The following SIGLEC6 variants were observed in gnomAD, a reference collection of about 807,000 sequenced individuals.
SIGLEC6 encodes sialic acid-binding Ig-like lectin 6.
SIGLEC6 carries 31 observed loss-of-function variants against 41.4 expected under a neutral mutation model. That is an observed-to-expected ratio of 0.75 (90% CI 0.56 to 1.01). SIGLEC6 has a LOEUF of 1.01. SIGLEC6 is among the 50% of genes least tolerant of loss of function. The pLI, the probability that SIGLEC6 is intolerant of heterozygous loss-of-function variation, is 0.00. For synonymous variants in SIGLEC6, 217 were observed against 231.0 expected (o/e 0.94, Z 0.55); for missense variants, 555 against 558.6 (o/e 0.99, Z 0.06).
rs1328222653 is a variant in SIGLEC6, at chr19:51,531,618, C to T, written c.31G>A (p.Glu11Lys). The T allele has an allele frequency of 6.2e-7, 1 of 1,612,274 alleles. No individual in the cohort carries two copies. The highest frequency in any genetic ancestry group is 1.7e-5 in the Admixed American group (1 of 59,754). The change falls in exon 1 of 8, where the codon GAG becomes AAG. Residue 11 changes from glutamate to lysine, a missense_variant. By Grantham distance (56) the Glu-to-Lys change is moderately conservative (BLOSUM62 1). Transcript: ENST00000425629. Reference protein sequence around the residue: MQGAQEASASEMLPLLLPLLW... With the variant: MQGAQEASASKMLPLLLPLLW... ...AGGGGCAGCAGCAGCGGTAGCATCT[C>T]TGAGGCGGAGGCTTCCTGGGCTCCC...
Position 51,531,493 on chromosome 19 carries a change from G to A in SIGLEC6, c.94C>T (p.Gln32Ter). The A allele has an allele frequency of 6.2e-7, 1 of 1,613,752 alleles. No homozygotes were observed. The highest frequency in any genetic ancestry group is 8.5e-7 in the Non-Finnish European group (1 of 1,179,830). The change falls in exon 2 of 8, where the codon CAG becomes TAG. Residue 32 changes from glutamine to a stop codon, truncating the protein, a stop_gained. Transcript: ENST00000425629. LOFTEE classifies it high-confidence loss of function. ...GTCAGTGACTCTGGCCCCTCCAGCT[G>A]GAATCTCCGCTCCTGAGCCAGGGCC... ...AGALAQERRFQLEGPESLTVQ... is the reference protein window; with the variant it reads ...AGALAQERRF
At chr19:51,524,724 G>C (rs1978906532) in intron 7 of SIGLEC6, among the ~76,000 whole-genome samples, 1 of 152,174 alleles carries the variant, frequency 6.6e-6, no homozygotes, top group Non-Finnish European at 1.5e-5. Context: ...CACTCTAATG[G>C]AGAGGAGATA....
At position 51,518,810 on chromosome 19, in the gene SIGLEC6, T is replaced by C. The variant is rs1417794568; in HGVS notation, c.*1272A>G. Among the ~76,000 whole-genome samples, 2 of 152,280 alleles carry C rather than the reference T, an allele frequency of 1.3e-5. No individual in the cohort carries two copies. The highest frequency in any genetic ancestry group is 1.9e-4 in the East Asian group (1 of 5,184). ...TGGGGTATTGGTGACTGGTGAGGAA[T>C]TGATCTGGGGAAATCTGGATGGACA... On this transcript the variant is annotated 3_prime_UTR_variant, in exon 8 of 8. Coordinates refer to ENST00000425629, the MANE Select transcript of SIGLEC6 (RefSeq NM_001245.7).
rs2122500601 is a variant in SIGLEC6 at position 51,531,518 on chromosome 19, C to G, written c.69G>C (p.Gly23=). 6.2e-7 allele frequency: 1 copy of G among 1,613,876 alleles called. No individual in the cohort carries two copies. Among genetic ancestry groups the G allele is most frequent in the East Asian group, 2.2e-5 (1 of 44,872 alleles). Residue 23 remains glycine (G), a splice_region_variant and synonymous_variant, in exon 2 of 8, where the codon GGG becomes GGC. Transcript: ENST00000425629. ...LPLLLPLLWA[G]ALAQERRFQL... Reference sequence around the variant, plus strand: ...GGAATCTCCGCTCCTGAGCCAGGGCCCCTATGGAGACATGAGGGTCAGCTC... The same window carrying G: ...GGAATCTCCGCTCCTGAGCCAGGGCGCCTATGGAGACATGAGGGTCAGCTC...
At chr19:51,524,156 A>G (rs1444026219) in intron 7 of SIGLEC6, among the ~76,000 whole-genome samples, 1 of 152,380 alleles carries the variant, frequency 6.6e-6, no homozygotes, top group Admixed American at 6.5e-5. Flanking sequence ...ATCACATTAA[A>G]TATAAATGGT....
Position 51,529,833 on chromosome 19 carries a change from G to A in SIGLEC6, c.903C>T (p.Thr301=), listed in dbSNP as rs750467976. The A allele has an allele frequency of 8.1e-6, 13 of 1,614,144 alleles. No individual in the cohort carries two copies. Among genetic ancestry groups the A allele is most frequent in the South Asian group, 2.2e-5 (2 of 91,082 alleles). The part of the protein sequence containing the change: ...PALNATPISN[T]GVLELPQVGS... ...CTACTTGAGGCAGCTCCAGGACCCC[G>A]GTATTGGAGATGGGGGTGGCGTTCA... The change falls in exon 5 of 8, where the codon ACC becomes ACT. Residue 301 remains threonine, a synonymous_variant. Coordinates refer to ENST00000425629, the MANE Select transcript of SIGLEC6 (RefSeq NM_001245.7).
intron 7 of SIGLEC6, among the ~76,000 whole-genome samples, chr19:51,524,766 G>T (rs1358854331): frequency 6.6e-6 from 1 of 152,158 alleles, no homozygotes; most frequent in Non-Finnish European, 1.5e-5. Context: ...TCGCCAACTA[G>T]ACCATCCAGA....
chr19:51,529,744 G>C lies in SIGLEC6; in HGVS notation c.992C>G (p.Ser331Cys), dbSNP rs1194466483. The C allele has an allele frequency of 3.7e-6, 6 of 1,614,196 alleles. No homozygotes were observed. The highest frequency in any genetic ancestry group is 1.6e-4 in the Middle Eastern group (1 of 6,062). Reference sequence around the variant, plus strand: ...CTCACAATGCACAAAGAGACTCAGAGAGATTTGCAGGGAGCCCAGAGGATG... The same window carrying C: ...CTCACAATGCACAAAGAGACTCAGACAGATTTGCAGGGAGCCCAGAGGATG... ...AQHPLGSLQI[S>C]LSLFVHWKPE... Residue 331 changes from serine (S) to cysteine (C), a missense_variant, in exon 5 of 8, where the codon TCT becomes TGT. Coordinates refer to ENST00000425629, the MANE Select transcript of SIGLEC6 (RefSeq NM_001245.7).
intron 7 of SIGLEC6, among the ~76,000 whole-genome samples, chr19:51,522,515 T>C (rs916643651): frequency 1.3e-5 from 2 of 152,194 alleles, no homozygotes; most frequent in Non-Finnish European, 2.9e-5. Context: ...CCAGGTATGG[T>C]TGTTCATGCC....
chr19:51,520,081 C>G lies in SIGLEC6; in HGVS notation c.*1G>C. ...TCAAGGTTATGGCTTTGGACAATTC[C>G]TCACTTGTGTATCTTGATTTCTGAG... On this transcript the variant is annotated 3_prime_UTR_variant, in exon 8 of 8. Coordinates refer to ENST00000425629, the MANE Select transcript of SIGLEC6 (RefSeq NM_001245.7). 7 of 1,556,020 alleles carry G rather than the reference C, an allele frequency of 4.5e-6. No homozygotes were observed. The highest frequency in any genetic ancestry group is 5.3e-6 in the Non-Finnish European group (6 of 1,137,652).
intron 3 of SIGLEC6, 82 bp from the exon 4 acceptor site, chr19:51,530,566 A>G: frequency 6.2e-7 from 1 of 1,608,528 alleles, no homozygotes; most frequent in African/African-American, 1.3e-5. Context: ...AGCCATGAAA[A>G]CAGGGAAAGG....
chr19:51,526,515 C>T (rs1234061857), intron 7 of SIGLEC6, among the ~76,000 whole-genome samples: 1 of 152,222 alleles, frequency 6.6e-6, no homozygotes, highest in African/African-American at 2.4e-5. Context: ...CGTTGGCCTT[C>T]TGAAAACGTC....
In SIGLEC6 at chr19:51,520,013, GC is replaced by G; in HGVS notation, c.*68del. ...CGGTTTGTGGTACATTGCTGTGGCA[GC>G]CCTAGTAACCAATACACTGAGAGGT... On this transcript the variant is annotated 3_prime_UTR_variant, in exon 8 of 8. Coordinates refer to ENST00000425629, the MANE Select transcript of SIGLEC6 (RefSeq NM_001245.7). 1 of 1,311,974 alleles carries G rather than the reference GC, an allele frequency of 7.6e-7. No homozygotes were observed. Among genetic ancestry groups the G allele is most frequent in the Non-Finnish European group, 1.0e-6 (1 of 968,266 alleles). 81.3% of individuals were successfully genotyped at this position (1,311,974 alleles called of 1,614,324 possible).
rs777365558 is a variant in SIGLEC6 at position 51,527,835 on chromosome 19, G to C, written c.1107-7C>G. The stretch of plus-strand genomic sequence containing the variant: ...CTTCCTTCTAGTCTTCACTCTGAGG[G>C]AACAGCCCTAAGCCTTTCAGCCTGG... On this transcript the variant is annotated splice_region_variant and splice_polypyrimidine_tract_variant and intron_variant, in intron 6 of 7. Transcript: ENST00000425629. 3.1e-6 allele frequency: 5 copies of C among 1,613,662 alleles called. No individual in the cohort carries two copies. In the East Asian group the frequency reaches 1.1e-4, roughly 36 times the overall value.
intron 7 of SIGLEC6, among the ~76,000 whole-genome samples, chr19:51,525,380 A>G (rs1257983732): frequency 6.6e-6 from 1 of 152,168 alleles, no homozygotes; most frequent in African/African-American, 2.4e-5. Context: ...AGAAAAGAGC[A>G]TAAGGACTAT....
In SIGLEC6 at chr19:51,520,024, C is replaced by A; in HGVS notation, c.*58G>T. 7.0e-7 allele frequency: 1 copy of A among 1,422,332 alleles called. No homozygotes were observed. The highest frequency in any genetic ancestry group is 1.6e-5 in the South Asian group (1 of 62,628). 88.1% of individuals were successfully genotyped at this position (1,422,332 alleles called of 1,614,324 possible). ...ACATTGCTGTGGCAGCCCTAGTAAC[C>A]AATACACTGAGAGGTACCATGTTCT... On this transcript the variant is annotated 3_prime_UTR_variant, in exon 8 of 8. Coordinates refer to ENST00000425629, the MANE Select transcript of SIGLEC6 (RefSeq NM_001245.7).
intron 7 of SIGLEC6, among the ~76,000 whole-genome samples, chr19:51,520,535 T>G (rs2122284858): frequency 6.6e-6 from 1 of 152,140 alleles, no homozygotes; most frequent in East Asian, 1.9e-4. Flanking sequence ...ACTACAGGCA[T>G]GCACCCCACC....
At position 51,528,213 on chromosome 19, in the gene SIGLEC6, G is replaced by C. The variant is rs1179009420; in HGVS notation, c.1053C>G (p.Val351=). 5.0e-6 allele frequency: 8 copies of C among 1,614,040 alleles called. No homozygotes were observed. Among genetic ancestry groups the C allele is most frequent in the Non-Finnish European group, 5.9e-6 (7 of 1,180,030 alleles). The change falls in exon 6 of 8, where the codon GTC becomes GTG. Residue 351 remains valine (V), a synonymous_variant. Coordinates refer to ENST00000425629, the MANE Select transcript of SIGLEC6 (RefSeq NM_001245.7). ...EGRAGGVLGA[V]WGASITTLVF... is the part of the protein sequence containing the mutation. The stretch of plus-strand genomic sequence containing the variant: ...CCAGGGTTGTGATGCTAGCTCCCCA[G>C]ACTGCTCCCAGGACACCACCAGCCC...
chr19:51,531,117 C>A, intron 2 of SIGLEC6, 43 bp downstream of exon 2: 1 of 1,558,168 alleles, frequency 6.4e-7, no homozygotes, highest in Non-Finnish European at 8.7e-7. Context: ...CCTACGGCCC[C>A]CATGACCTTC....
Sources: allele counts gnomAD v4.1 joint callset (sites outside exome capture counted in the v4.1 genomes callset), GRCh38; gene constraint gnomAD v4.1.1; transcripts MANE v1.5; gene names NCBI Gene and HGNC (gene_info 2026-07-23, HGNC 2026-07-21).